The following SGCZ variants were observed in gnomAD, a reference collection of about 807,000 sequenced individuals.
SGCZ encodes zeta-sarcoglycan.
SGCZ carries 40 observed loss-of-function variants against 41.3 expected under a neutral mutation model. The ratio of observed to expected loss-of-function variants is 0.97; its 90% CI spans 0.75 to 1.26. The LOEUF is 1.26. Among genes scored for constraint, SGCZ ranks in the 50% most tolerant of loss-of-function variants. The pLI is 0.00. For missense variants in SGCZ, 552 were observed against 369.8 expected (o/e 1.49, Z -4.04); for synonymous variants, 206 against 137.5 (o/e 1.50, Z -3.49).
intron 1 of SGCZ, among the ~76,000 whole-genome samples, chr8:15,121,978 T>C (rs922496935): frequency 6.6e-6 from 1 of 151,236 alleles, no homozygotes; most frequent in Non-Finnish European, 1.5e-5. Context: ...GAAAGGTATA[T>C]TGATGTGTAG....
At chr8:14,657,766 G>C (rs1807623538) in intron 1 of SGCZ, among the ~76,000 whole-genome samples, 1 of 152,086 alleles carries the variant, frequency 6.6e-6, no homozygotes, top group Non-Finnish European at 1.5e-5. Flanking sequence ...CAAATATTCA[G>C]ACTATAGTTT....
At chr8:15,194,185 TCACACACACACACACACACACACA>T (rs34127082) in intron 1 of SGCZ, among the ~76,000 whole-genome samples, 1 of 139,492 alleles carries the variant, frequency 7.2e-6, no homozygotes, top group Non-Finnish European at 1.6e-5. Flanking sequence ...CCACCTCTAA[TCACACACACACACACACACACACA>T]CACACACACA....
At chr8:14,484,258 A>T (rs1049120389) in intron 2 of SGCZ, among the ~76,000 whole-genome samples, 1 of 152,164 alleles carries the variant, frequency 6.6e-6, no homozygotes, top group African/African-American at 2.4e-5. Flanking sequence ...ATAGTTTGCT[A>T]TTAGTATGGC....
At chr8:14,496,777 T>A (rs1441451026) in intron 2 of SGCZ, among the ~76,000 whole-genome samples, 1 of 152,204 alleles carries the variant, frequency 6.6e-6, no homozygotes, top group Non-Finnish European at 1.5e-5. Flanking sequence ...TCTTTACTCT[T>A]AAAGAATTCT....
At chr8:15,158,178 T>A (rs976544096) in intron 1 of SGCZ, among the ~76,000 whole-genome samples, 1 of 146,068 alleles carries the variant, frequency 6.8e-6, no homozygotes, top group African/African-American at 2.5e-5. Context: ...AAAAAAAAAA[T>A]GGTGAAAAGA....
At chr8:14,674,369 T>C (rs1808204524) in intron 1 of SGCZ, among the ~76,000 whole-genome samples, 1 of 152,070 alleles carries the variant, frequency 6.6e-6, no homozygotes, top group Non-Finnish European at 1.5e-5. Context: ...TCAAAGTAAT[T>C]AAAACAGCTC....
chr8:15,117,170 G>A (rs186683265), intron 1 of SGCZ, among the ~76,000 whole-genome samples: 2,947 of 152,136 alleles, frequency 0.019, 42 homozygotes, highest in Non-Finnish European at 0.032. Context: ...AGGAGATCGA[G>A]ACCACGGTGA....
rs1802057969 is a variant in SGCZ at position 14,102,398 on chromosome 8, T to C, written c.722A>G (p.His241Arg). The C allele has an allele frequency of 2.0e-6, 3 of 1,520,380 alleles. No homozygotes were observed. Among genetic ancestry groups the C allele is most frequent in the Admixed American group, 1.8e-5 (1 of 55,990 alleles). 94.2% of individuals were successfully genotyped at this position (1,520,380 alleles called of 1,614,324 possible). A position where few individuals can be genotyped will look rare whatever the true frequency, so the allele number is the denominator to read the frequency against. The change falls in exon 7 of 8, where the codon CAT (histidine) becomes CGT (arginine). Residue 241 changes from histidine to arginine, a missense_variant. Transcript: ENST00000382080. ...CACCTCCCCTTCTGTAGATTGCAGA[T>C]GGAGCTCCTTCCTGCAGGTGGCCTT... ...DFKATCRKEL[H>R]LQSTEGEIFL...
At chr8:14,554,562 A>T (rs1803971724) in intron 2 of SGCZ, among the ~76,000 whole-genome samples, 170 bp downstream of exon 2, 2 of 152,008 alleles carry the variant, frequency 1.3e-5, no homozygotes, top group African/African-American at 2.4e-5. Context: ...GTGTGTCAGG[A>T]CTGAACCTAC....
rs1801608891 is a variant in SGCZ at position 14,089,004 on chromosome 8, G to GTAA, written c.*1436_*1438dup. Among the ~76,000 whole-genome samples the GTAA allele has an allele frequency of 6.6e-6, 1 of 151,872 alleles. No individual in the cohort carries two copies. The highest frequency in any genetic ancestry group is 1.5e-5 in the Non-Finnish European group (1 of 67,886). ...GTGAAAATTCAGGACTTACCTTATA[G>GTAA]TAATTAAGTCATCTTCCCATAATAG... is the stretch of plus-strand genomic sequence containing the variant. On this transcript the variant is annotated 3_prime_UTR_variant, in exon 8 of 8. Coordinates refer to ENST00000382080, the MANE Select transcript of SGCZ (RefSeq NM_139167.4).
intron 2 of SGCZ, among the ~76,000 whole-genome samples, chr8:14,445,537 C>T (rs897563507): frequency 1.8e-4 from 27 of 152,212 alleles, no homozygotes; most frequent in African/African-American, 5.8e-4. Flanking sequence ...ACTTACCCCA[C>T]CTGCCCCCTT....
In SGCZ at chr8:14,226,199, T is replaced by TA. The variant is rs556805525; in HGVS notation, c.424+11392dup. 2.0e-4 allele frequency among the ~76,000 whole-genome samples: 31 copies of TA among 152,022 alleles called. 2 individuals carry two copies. Among genetic ancestry groups the TA allele is most frequent in the Middle Eastern group, 3.4e-3 (1 of 294 alleles). On this transcript the variant is annotated intron_variant, in intron 4 of 7. Transcript: ENST00000382080. ...AGTATTCAGAATGTTAAGTTATATATAAAAAAAGACAGACATCATGTAAAT... is the reference window on the plus strand; with the variant it reads ...AGTATTCAGAATGTTAAGTTATATATAAAAAAAAGACAGACATCATGTAAAT...
chr8:14,695,510 T>C (rs1475631470), intron 1 of SGCZ, among the ~76,000 whole-genome samples: 1 of 152,106 alleles, frequency 6.6e-6, no homozygotes, highest in African/African-American at 2.4e-5. Context: ...AACTGGGGTG[T>C]CACTACCAGG....
At chr8:14,703,888 A>G (rs1254010503) in intron 1 of SGCZ, among the ~76,000 whole-genome samples, 1 of 151,990 alleles carries the variant, frequency 6.6e-6, no homozygotes, top group African/African-American at 2.4e-5. Flanking sequence ...ACTCATTAGA[A>G]TTTGTTATGG....
chr8:14,624,170 C>A (rs36102325), intron 1 of SGCZ, among the ~76,000 whole-genome samples: 66,182 of 151,936 alleles, frequency 0.44, 14,869 homozygotes, highest in Non-Finnish European at 0.48. Flanking sequence ...AGGGTCAATG[C>A]AGACACATGT....
chr8:14,601,250 C>T (rs561280055), intron 1 of SGCZ, among the ~76,000 whole-genome samples: 54 of 151,998 alleles, frequency 3.6e-4, no homozygotes, highest in Admixed American at 2.7e-3. Context: ...ATATTTTTGA[C>T]GGACAGGTAG....
At chr8:15,216,907 G>C (rs553079871) in intron 1 of SGCZ, among the ~76,000 whole-genome samples, 13 of 152,160 alleles carry the variant, frequency 8.5e-5, no homozygotes, top group Non-Finnish European at 1.8e-4. Flanking sequence ...TTTGGGTATC[G>C]TTGCTTCTGC....
chr8:14,279,249 A>G (rs1042260590), intron 3 of SGCZ, among the ~76,000 whole-genome samples: 2 of 152,112 alleles, frequency 1.3e-5, no homozygotes, highest in African/African-American at 4.8e-5. Context: ...TAGATTAAAA[A>G]AATTCATAAA....
chr8:15,187,216 A>C (rs1394964492), intron 1 of SGCZ, among the ~76,000 whole-genome samples: 1 of 152,114 alleles, frequency 6.6e-6, no homozygotes, highest in Non-Finnish European at 1.5e-5. Context: ...TTTCAGCTCT[A>C]TTCTCCCAAC....
Sources: allele counts gnomAD v4.1 joint callset (sites outside exome capture counted in the v4.1 genomes callset), GRCh38; gene constraint gnomAD v4.1.1; transcripts MANE v1.5; gene names NCBI Gene and HGNC (gene_info 2026-07-23, HGNC 2026-07-21).